Variants in RBFOX1 observed in about 807,000 individuals in gnomAD.
RBFOX1 encodes the protein RNA binding fox-1 homolog 1.
RBFOX1 carries 8 observed loss-of-function variants against 57.7 expected under a neutral mutation model. The ratio of observed to expected loss-of-function variants is 0.14; its 90% CI spans 0.08 to 0.25. The LOEUF (loss-of-function observed/expected upper bound fraction) is 0.25, where lower values mean the gene tolerates loss of function less well. Among genes scored for constraint, RBFOX1 ranks in the 10% least tolerant of loss-of-function variants. The probability of loss-of-function intolerance (pLI) is 1.00; values close to 1 mark genes in which losing one functional copy is unlikely to be tolerated. For synonymous variants in RBFOX1, 326 were observed against 222.4 expected (o/e 1.47, Z -4.15); for missense variants, 611 against 548.5 (o/e 1.11, Z -1.14).
At chr16:6,985,949 A>G (rs1393634940) in intron 3 of RBFOX1, among the ~76,000 whole-genome samples, 7 of 150,622 alleles carry the variant, frequency 4.6e-5, no homozygotes, top group South Asian at 2.1e-4. Context: ...CCATGGAGTG[A>G]TATAGAATAA....
intron 4 of RBFOX1, among the ~76,000 whole-genome samples, chr16:7,502,065 A>G (rs752493403): frequency 7.9e-5 from 12 of 152,066 alleles, no homozygotes; most frequent in Non-Finnish European, 1.5e-4. Flanking sequence ...CATTTCTTCC[A>G]AGTCCGACTA....
chr16:7,223,826 ATT>A (rs35954368), intron 4 of RBFOX1, among the ~76,000 whole-genome samples: 112,050 of 150,650 alleles, frequency 0.74, 42,425 homozygotes, highest in East Asian at 0.96. Flanking sequence ...CCAAAAGAGC[ATT>A]TTTTTTTTGG....
In RBFOX1 at chr16:5,856,282, T is replaced by TAC. The variant is rs1420858986; in HGVS notation, c.319-11020_319-11019insCA. Among the ~76,000 whole-genome samples, 240 of 29,978 alleles carry TAC rather than the reference T, an allele frequency of 8.0e-3. 16 individuals carry two copies. The highest frequency in any genetic ancestry group is 0.023 in the African/African-American group (225 of 9,946). 19.7% of individuals were successfully genotyped at this position (29,978 alleles called of 152,430 possible). A position where few individuals can be genotyped will look rare whatever the true frequency, so the allele number is the denominator to read the frequency against. Reference sequence around the variant, plus strand: ...ATATGTATATATATATACACATATATATACACACACACACACACACACACA... The same window carrying TAC: ...ATATGTATATATATATACACATATATACATACACACACACACACACACACACA... On this transcript the variant is annotated intron_variant, in intron 3 of 19. Transcript: ENST00000641259.
intron 2 of RBFOX1, among the ~76,000 whole-genome samples, chr16:6,608,708 G>T (rs12923618): frequency 0.22 from 33,051 of 152,110 alleles, 4,143 homozygotes; most frequent in Non-Finnish European, 0.28. Context: ...GGAGTTTGAC[G>T]CTACAGTGAG....
chr16:5,453,715 C>T (rs1406698304), intron 1 of RBFOX1, among the ~76,000 whole-genome samples: 2 of 152,168 alleles, frequency 1.3e-5, no homozygotes, highest in African/African-American at 4.8e-5. Flanking sequence ...TGTACTTCTT[C>T]CCAGACCAGG....
intron 14 of RBFOX1, among the ~76,000 whole-genome samples, chr16:7,688,240 TGTGTGTGTGTGTGTGTGTGTGAGAGA>T (rs2076503274): frequency 6.9e-6 from 1 of 145,400 alleles, no homozygotes; most frequent in Admixed American, 6.8e-5. Context: ...TGTGTGTGTG[TGTGTGTGTGTGTGTGTGTGTGAGAGA>T]GAGAGAGAGA....
intron 2 of RBFOX1, among the ~76,000 whole-genome samples, chr16:5,490,931 G>A (rs1026558591): frequency 6.6e-6 from 1 of 152,086 alleles, no homozygotes; most frequent in Non-Finnish European, 1.5e-5. Flanking sequence ...CTCCTGGAGC[G>A]TAGTTACGCA....
intron 5 of RBFOX1, among the ~76,000 whole-genome samples, chr16:7,521,550 G>T (rs1286509810): frequency 6.6e-6 from 1 of 152,166 alleles, no homozygotes; most frequent in African/African-American, 2.4e-5. Flanking sequence ...ATAGCGTGTT[G>T]GGTGTCCACA....
At chr16:6,228,164 A>G (rs371593293) in intron 1 of RBFOX1, among the ~76,000 whole-genome samples, 1 of 152,154 alleles carries the variant, frequency 6.6e-6, no homozygotes. Context: ...TACAAAAAAT[A>G]TCTAGGCTTG....
At chr16:7,007,584 C>G (rs1161016811) in intron 3 of RBFOX1, among the ~76,000 whole-genome samples, 12 of 152,184 alleles carry the variant, frequency 7.9e-5, no homozygotes, top group Admixed American at 7.9e-4. Flanking sequence ...TAAACACCCT[C>G]CCATCCTCCA....
intron 2 of RBFOX1, among the ~76,000 whole-genome samples, chr16:6,624,408 TTA>T (rs1272299034): frequency 6.6e-6 from 1 of 152,176 alleles, no homozygotes; most frequent in African/African-American, 2.4e-5. Context: ...GTATCCTTCA[TTA>T]TATATGTCAG....
At chr16:7,371,407 A>G (rs1182076713) in intron 4 of RBFOX1, among the ~76,000 whole-genome samples, 1 of 152,220 alleles carries the variant, frequency 6.6e-6, no homozygotes, top group Admixed American at 6.5e-5. Flanking sequence ...AAAGCTAATC[A>G]GTATCAGCGG....
intron 4 of RBFOX1, among the ~76,000 whole-genome samples, chr16:7,077,734 G>A (rs1351692618): frequency 6.6e-6 from 1 of 152,182 alleles, no homozygotes; most frequent in Non-Finnish European, 1.5e-5. Context: ...GGTTGTGCAA[G>A]TATTAGTCGT....
At chr16:6,263,142 A>G (rs2152642422) in intron 1 of RBFOX1, among the ~76,000 whole-genome samples, 1 of 152,292 alleles carries the variant, frequency 6.6e-6, no homozygotes, top group Non-Finnish European at 1.5e-5. Context: ...ATGGGTTGAA[A>G]TGAGAAAGAG....
chr16:6,777,856 C>G (rs1193860145), intron 3 of RBFOX1, among the ~76,000 whole-genome samples: 1 of 152,208 alleles, frequency 6.6e-6, no homozygotes, highest in South Asian at 2.1e-4. Context: ...AAGAGTATTC[C>G]TCAGAGGTGT....
intron 4 of RBFOX1, among the ~76,000 whole-genome samples, chr16:5,978,666 G>T (rs12923877): frequency 6.0e-4 from 84 of 140,538 alleles, no homozygotes; most frequent in African/African-American, 1.7e-3. Flanking sequence ...TGTTTTTTTT[G>T]TTTTTTTGTT....
intron 3 of RBFOX1, among the ~76,000 whole-genome samples, chr16:6,928,473 C>G (rs6500880): frequency 0.77 from 116,503 of 152,074 alleles, 45,533 homozygotes; most frequent in African/African-American, 0.94. Context: ...AAAGAACGTT[C>G]AACTCAGAAA....
At chr16:7,239,469 A>C (rs957667988) in intron 4 of RBFOX1, among the ~76,000 whole-genome samples, 2 of 152,234 alleles carry the variant, frequency 1.3e-5, no homozygotes, top group Admixed American at 6.5e-5. Context: ...ACTGCACTCC[A>C]GCCTGGGCAA....
intron 4 of RBFOX1, among the ~76,000 whole-genome samples, chr16:7,220,007 C>G (rs541604838): frequency 6.6e-6 from 1 of 152,192 alleles, no homozygotes; most frequent in African/African-American, 2.4e-5. Context: ...TGTGGTGTAT[C>G]TTGTTCGATT....
Sources: gnomAD v4.1 joint callset for allele counts (sites outside exome capture counted in the v4.1 genomes callset) on GRCh38, gnomAD v4.1.1 for gene constraint, MANE v1.5 for transcripts, NCBI Gene and HGNC (gene_info 2026-07-23, HGNC 2026-07-21) for gene names.